The following DYRK1A variants were observed in gnomAD, a reference collection of about 807,000 sequenced individuals.
DYRK1A encodes the protein dual specificity tyrosine phosphorylation regulated kinase 1A.
DYRK1A carries 9 observed loss-of-function variants against 79.7 expected under a neutral mutation model. That is an observed-to-expected ratio of 0.11 (90% confidence interval 0.07 to 0.20). DYRK1A has a LOEUF of 0.20. Ranked by LOEUF, DYRK1A falls within the 10% of genes least tolerant of loss-of-function variation. The pLI, the probability that DYRK1A is intolerant of heterozygous loss-of-function variation, is 1.00. For synonymous variants in DYRK1A, 349 were observed against 329.7 expected, an observed-to-expected ratio of 1.06 and a Z score of -0.63; for missense variants, 622 against 956.0, an observed-to-expected ratio of 0.65 and a Z score of 4.61.
At chr21:37,420,229 A>G (rs1417668552) in intron 1 of DYRK1A, 70 bp from the exon 2 acceptor site, 1 of 510,672 alleles carries the variant, frequency 2.0e-6, no homozygotes, top group Non-Finnish European at 3.4e-6. Flanking sequence ...TAGTTATGTT[A>G]GATATTCCTC....
chr21:37,401,391 G>A (rs2050049984), intron 1 of DYRK1A, among the ~76,000 whole-genome samples: 1 of 150,128 alleles, frequency 6.7e-6, no homozygotes, highest in Non-Finnish European at 1.5e-5. Context: ...GAACCTGCCT[G>A]TTTTTTACCT....
At chr21:37,479,623 T>TTGTTTTTTTTG (rs1555979765) in intron 4 of DYRK1A, among the ~76,000 whole-genome samples, 1 of 106,592 alleles carries the variant, frequency 9.4e-6, no homozygotes, top group Non-Finnish European at 1.7e-5. Context: ...TTTTTTGTTT[T>TTGTTTTTTTTG]TTTTTTTTTT....
chr21:37,507,847 C>T (rs1040361469), intron 11 of DYRK1A, among the ~76,000 whole-genome samples: 1 of 152,148 alleles, frequency 6.6e-6, no homozygotes, highest in Non-Finnish European at 1.5e-5. Context: ...ATGCTAGTTG[C>T]TCCTAAGTCT....
chr21:37,443,626 A>G (rs192644451), intron 2 of DYRK1A, among the ~76,000 whole-genome samples: 72 of 152,294 alleles, frequency 4.7e-4, no homozygotes, highest in Admixed American at 1.2e-3. Flanking sequence ...ATTCTTCACA[A>G]ATGGGAGCAG....
intron 1 of DYRK1A, among the ~76,000 whole-genome samples, chr21:37,377,781 G>A (rs1158693592): frequency 6.6e-6 from 1 of 152,198 alleles, no homozygotes; most frequent in East Asian, 1.9e-4. Flanking sequence ...TGGTCGGAAA[G>A]TATTCTGTTC....
intron 1 of DYRK1A, among the ~76,000 whole-genome samples, chr21:37,398,083 A>T (rs982242579): frequency 5.4e-4 from 79 of 146,040 alleles, no homozygotes; most frequent in Non-Finnish European, 9.9e-4. Context: ...AAAAATATAT[A>T]TATATATTTA....
At chr21:37,428,556 A>T (rs1379579999) in intron 2 of DYRK1A, among the ~76,000 whole-genome samples, 1 of 151,938 alleles carries the variant, frequency 6.6e-6, no homozygotes, top group Non-Finnish European at 1.5e-5. Context: ...GTTCTTAAAC[A>T]AGCAAATAGG....
At chr21:37,442,109 A>G (rs1017847610) in intron 2 of DYRK1A, among the ~76,000 whole-genome samples, 6 of 151,756 alleles carry the variant, frequency 4.0e-5, no homozygotes, top group African/African-American at 1.5e-4. Flanking sequence ...TGTATATAAT[A>G]TGTCTCTTTT....
chr21:37,414,060 T>C (rs2050291044), intron 1 of DYRK1A, among the ~76,000 whole-genome samples: 1 of 152,030 alleles, frequency 6.6e-6, no homozygotes. Flanking sequence ...ATTGTTGATA[T>C]AAAGATATAT....
intron 1 of DYRK1A, among the ~76,000 whole-genome samples, chr21:37,396,405 A>G (rs2049960474): frequency 6.6e-6 from 1 of 152,210 alleles, no homozygotes; most frequent in Non-Finnish European, 1.5e-5. Flanking sequence ...GGCATAGTAT[A>G]GCCAGAAAAC....
intron 2 of DYRK1A, among the ~76,000 whole-genome samples, chr21:37,429,692 T>C (rs1469832795): frequency 6.6e-6 from 1 of 152,214 alleles, no homozygotes; most frequent in Non-Finnish European, 1.5e-5. Flanking sequence ...TGGGGACACA[T>C]ATCCAAAACA....
rs59490805 is a variant in DYRK1A at position 37,452,041 on chromosome 21, G to A, written c.11-20643G>A. On this transcript the variant is annotated intron_variant, in intron 2 of 11. Transcript: ENST00000647188. Reference sequence around the variant, plus strand: ...GTTAAGGGAAAGGATGTCATGGAGGGGACAGGATGGAGAGAAATGGTGGGA... The same window carrying A: ...GTTAAGGGAAAGGATGTCATGGAGGAGACAGGATGGAGAGAAATGGTGGGA... Among the ~76,000 whole-genome samples the A allele has an allele frequency of 4.5e-3, 686 of 152,232 alleles. 4 individuals are homozygous for A. Among genetic ancestry groups the A allele is most frequent in the African/African-American group, 0.016 (644 of 41,524 alleles).
At chr21:37,387,546 C>A (rs572403273) in intron 1 of DYRK1A, among the ~76,000 whole-genome samples, 18 of 152,290 alleles carry the variant, frequency 1.2e-4, no homozygotes, top group Admixed American at 3.3e-4. Context: ...CTCTTAAGAA[C>A]CATCTTATAG....
intron 1 of DYRK1A, among the ~76,000 whole-genome samples, chr21:37,406,389 C>A (rs541570111): frequency 3.3e-5 from 5 of 152,122 alleles, no homozygotes; most frequent in Non-Finnish European, 5.9e-5. Flanking sequence ...ACCCTCACCA[C>A]CTTCTTGAAA....
intron 1 of DYRK1A, among the ~76,000 whole-genome samples, chr21:37,373,843 G>A (rs1053126166): frequency 1.3e-5 from 2 of 152,224 alleles, no homozygotes; most frequent in African/African-American, 2.4e-5. Flanking sequence ...GGGGAGAATG[G>A]GGGATGATTA....
intron 2 of DYRK1A, among the ~76,000 whole-genome samples, chr21:37,436,053 G>T (rs1245352944): frequency 6.6e-6 from 1 of 152,102 alleles, no homozygotes; most frequent in African/African-American, 2.4e-5. Context: ...TGTGACGTTA[G>T]ATTAAAAATT....
At chr21:37,468,224 A>G (rs568303369) in intron 2 of DYRK1A, among the ~76,000 whole-genome samples, 1 of 151,334 alleles carries the variant, frequency 6.6e-6, no homozygotes, top group South Asian at 2.1e-4. Context: ...CAGTCCTCCC[A>G]CCCGAGCCTC....
intron 11 of DYRK1A, among the ~76,000 whole-genome samples, chr21:37,510,026 A>G (rs938331814): frequency 6.6e-6 from 1 of 152,340 alleles, no homozygotes; most frequent in Admixed American, 6.5e-5. Context: ...CTAGATTATC[A>G]GATCAAAAAA....
Position 37,517,797 on chromosome 21 carries a change from C to T in DYRK1A, c.*5266C>T, listed in dbSNP as rs1469244603. The T allele has an allele frequency of 6.6e-6, 1 of 152,244 alleles. No homozygotes were observed. Among genetic ancestry groups the T allele is most frequent in the African/African-American group, 2.4e-5 (1 of 41,438 alleles). The allele number at this position is 152,244 out of a possible 1,614,324, so 9.4% of individuals were successfully genotyped here. On this transcript the variant is annotated 3_prime_UTR_variant, in exon 12 of 12. Transcript: ENST00000647188. Reference sequence around the variant, plus strand: ...ATCCACTCACTGTTGGACAGAAAGACTGCAGAGAAGGGCACTGCTGGGGTG... The same window carrying T: ...ATCCACTCACTGTTGGACAGAAAGATTGCAGAGAAGGGCACTGCTGGGGTG...
Sources: allele counts gnomAD v4.1 joint callset (sites outside exome capture counted in the v4.1 genomes callset), GRCh38; gene constraint gnomAD v4.1.1; transcripts MANE v1.5; gene names NCBI Gene and HGNC (gene_info 2026-07-23, HGNC 2026-07-21).